Variants in EVI5 observed in about 807,000 individuals in gnomAD.
The protein encoded by EVI5 is ecotropic viral integration site 5.
A neutral mutation model predicts 112.0 loss-of-function variants in EVI5; 73 were observed. The observed-to-expected ratio is 0.65, with a 90% confidence interval of 0.54 to 0.79. The LOEUF (loss-of-function observed/expected upper bound fraction) is 0.79. EVI5 is among the 30% of genes least tolerant of loss of function. EVI5 has a pLI of 0.00. For missense variants in EVI5, 900 were observed against 968.8 expected (o/e 0.93, Z 0.94); for synonymous variants, 305 against 319.9 (o/e 0.95, Z 0.50).
intron 2 of EVI5, among the ~76,000 whole-genome samples, chr1:92,727,361 C>T (rs1277085906): frequency 6.6e-6 from 1 of 152,130 alleles, no homozygotes; most frequent in Admixed American, 6.6e-5. Context: ...TTAGATCCAT[C>T]CCTGCTAGAT....
At chr1:92,570,190 A>G (rs972995252) in intron 18 of EVI5, among the ~76,000 whole-genome samples, 3 of 152,270 alleles carry the variant, frequency 2.0e-5, no homozygotes, top group African/African-American at 7.2e-5. Context: ...CATATGTGAC[A>G]TAAGAAGTGT....
chr1:92,778,089 A>T (rs1684389298), intron 1 of EVI5, among the ~76,000 whole-genome samples: 1 of 151,900 alleles, frequency 6.6e-6, no homozygotes, highest in Admixed American at 6.6e-5. Context: ...TTGTATTTTT[A>T]GTAGAGACGG....
intron 14 of EVI5, among the ~76,000 whole-genome samples, chr1:92,627,007 C>T (rs1361745128): frequency 6.6e-6 from 1 of 152,058 alleles, no homozygotes; most frequent in Non-Finnish European, 1.5e-5. Flanking sequence ...TTCATGGATA[C>T]AAGGTTTATT....
At chr1:92,724,141 G>A (rs963510743) in intron 2 of EVI5, among the ~76,000 whole-genome samples, 1 of 152,030 alleles carries the variant, frequency 6.6e-6, no homozygotes, top group African/African-American at 2.4e-5. Flanking sequence ...TGATCCTTGT[G>A]ACCTACTCCC....
In EVI5 at chr1:92,731,297, T is replaced by C. The variant is rs185491187; in HGVS notation, c.149+5101A>G. On this transcript the variant is annotated intron_variant, in intron 2 of 19. Transcript: ENST00000684568. The stretch of plus-strand genomic sequence containing the variant: ...GAGATCACACCACTGCACTCCAGCC[T>C]GAGTGAGTGAGGCCCCATTTCAAAA... Among the ~76,000 whole-genome samples, 353 of 152,310 alleles carry C rather than the reference T, an allele frequency of 2.3e-3. 1 individual carries two copies. The highest frequency in any genetic ancestry group is 2.7e-3 in the Non-Finnish European group (181 of 68,020).
chr1:92,767,616 T>C (rs1235147811), intron 1 of EVI5, among the ~76,000 whole-genome samples: 1 of 152,242 alleles, frequency 6.6e-6, no homozygotes, highest in East Asian at 1.9e-4. Flanking sequence ...AATAAAATAA[T>C]TTTTTAAAGG....
At chr1:92,773,108 A>G (rs1683650443) in intron 1 of EVI5, among the ~76,000 whole-genome samples, 1 of 150,308 alleles carries the variant, frequency 6.7e-6, no homozygotes, top group Non-Finnish European at 1.5e-5. Flanking sequence ...CGGGAGGCTG[A>G]GCCAGGAGAA....
rs1325241944 is a variant in EVI5, at chr1:92,508,964, T to A, written c.*4692A>T. The A allele has an allele frequency of 6.6e-6, 1 of 152,202 alleles. No individual in the cohort carries two copies. The highest frequency in any genetic ancestry group is 1.5e-5 in the Non-Finnish European group (1 of 68,036). 9.4% of individuals were successfully genotyped at this position (152,202 alleles called of 1,614,324 possible). On this transcript the variant is annotated 3_prime_UTR_variant, in exon 20 of 20. Transcript: ENST00000684568. Reference sequence around the variant, plus strand: ...ACCAGAAATTAAACTTCAGTAGAATTAAAATTAATTTTTAAAACTTAGTTT... The same window carrying A: ...ACCAGAAATTAAACTTCAGTAGAATAAAAATTAATTTTTAAAACTTAGTTT...
At chr1:92,661,977 C>A (rs939359154) in intron 13 of EVI5, among the ~76,000 whole-genome samples, 1 of 152,062 alleles carries the variant, frequency 6.6e-6, no homozygotes, top group Admixed American at 6.6e-5. Context: ...TTTTCTTTTA[C>A]CCTCATATTC....
intron 16 of EVI5, among the ~76,000 whole-genome samples, chr1:92,623,774 G>C (rs1655069297): frequency 6.6e-6 from 1 of 152,182 alleles, no homozygotes; most frequent in African/African-American, 2.4e-5. Context: ...GGCATCTAGT[G>C]GGTAGAGGCC....
chr1:92,756,899 A>G (rs193108852), intron 1 of EVI5: 9 of 393,152 alleles, frequency 2.3e-5, no homozygotes, highest in African/African-American at 1.9e-4. Context: ...TGTTTCTTAT[A>G]ACCAGAGCTT....
rs143515827 is a variant in EVI5 at position 92,665,349 on chromosome 1, T to G, written c.1212+590A>C. 3.1e-3 allele frequency among the ~76,000 whole-genome samples: 475 copies of G among 152,330 alleles called. 4 individuals are homozygous for G. Among genetic ancestry groups the G allele is most frequent in the African/African-American group, 0.011 (461 of 41,578 alleles). On this transcript the variant is annotated intron_variant, in intron 11 of 19. Coordinates refer to ENST00000684568, the MANE Select transcript of EVI5 (RefSeq NM_001350197.2). ...TCTGTAAATGACTACAAAAGATTTT[T>G]CATCAAAAGCACACTATGAAAAATA...
chr1:92,645,395 T>C (rs576839799), intron 13 of EVI5, among the ~76,000 whole-genome samples: 23 of 152,298 alleles, frequency 1.5e-4, no homozygotes, highest in Non-Finnish European at 3.1e-4. Flanking sequence ...TAAAATATTA[T>C]GTCCAATAAT....
chr1:92,517,394 C>T (rs985967094), intron 19 of EVI5, among the ~76,000 whole-genome samples: 9 of 152,100 alleles, frequency 5.9e-5, no homozygotes, highest in East Asian at 1.9e-4. Context: ...CATAGGGATC[C>T]GAAACCAATC....
chr1:92,745,090 C>A (rs1161287506), intron 1 of EVI5, among the ~76,000 whole-genome samples: 2 of 150,148 alleles, frequency 1.3e-5, no homozygotes, highest in African/African-American at 4.9e-5. Context: ...AACTACCATG[C>A]CAGGCTAATT....
At chr1:92,620,955 AACAC>A (rs1181644723) in intron 16 of EVI5, among the ~76,000 whole-genome samples, 1 of 152,160 alleles carries the variant, frequency 6.6e-6, no homozygotes, top group East Asian at 1.9e-4. Flanking sequence ...AAGATTTGAA[AACAC>A]ACTGTTGTAA....
intron 1 of EVI5, among the ~76,000 whole-genome samples, chr1:92,737,975 G>A (rs906401166): frequency 2.0e-5 from 3 of 152,082 alleles, no homozygotes; most frequent in African/African-American, 2.4e-5. Flanking sequence ...ATTATAGAAA[G>A]GATCAGTGGG....
At chr1:92,542,925 G>A (rs1665064786) in intron 19 of EVI5, among the ~76,000 whole-genome samples, 1 of 152,294 alleles carries the variant, frequency 6.6e-6, no homozygotes, top group South Asian at 2.1e-4. Flanking sequence ...GCTGTAATGA[G>A]ATGTGCAGTC....
At chr1:92,598,587 A>G (rs550346825) in intron 18 of EVI5, among the ~76,000 whole-genome samples, 1 of 152,270 alleles carries the variant, frequency 6.6e-6, no homozygotes, top group East Asian at 1.9e-4. Context: ...AGAATTGTCA[A>G]AAAATATTTA....
Sources: gnomAD v4.1 joint callset for allele counts (sites outside exome capture counted in the v4.1 genomes callset) on GRCh38, gnomAD v4.1.1 for gene constraint, MANE v1.5 for transcripts, NCBI Gene and HGNC (gene_info 2026-07-23, HGNC 2026-07-21) for gene names.